ACOXL: variants seen among roughly 807,000 people sequenced by gnomAD.
ACOXL encodes acyl-coenzyme A oxidase-like protein.
A neutral mutation model predicts 71.9 loss-of-function variants in ACOXL; 70 were observed. That is an observed-to-expected ratio of 0.97 (90% CI 0.80 to 1.19). ACOXL has a LOEUF of 1.19. ACOXL is among the 50% of genes most tolerant of loss of function. The probability of loss-of-function intolerance (pLI) is 0.00; values close to 1 mark genes in which losing one functional copy is unlikely to be tolerated. For missense variants in ACOXL, 703 were observed against 736.3 expected, an observed-to-expected ratio of 0.95 and a Z score of 0.52; for synonymous variants, 253 against 281.6, an observed-to-expected ratio of 0.90 and a Z score of 1.02.
chr2:110,766,516 G>A (rs1442894779), intron 1 of ACOXL, among the ~76,000 whole-genome samples: 1 of 152,154 alleles, frequency 6.6e-6, no homozygotes, highest in Non-Finnish European at 1.5e-5. Flanking sequence ...TCAGGAAGGG[G>A]GAAGTTGAAA....
At chr2:110,922,084 AT>A (rs1210975922) in intron 11 of ACOXL, among the ~76,000 whole-genome samples, 1 of 152,200 alleles carries the variant, frequency 6.6e-6, no homozygotes, top group Non-Finnish European at 1.5e-5. Context: ...ATATATCATT[AT>A]TGGTTTTCTG....
intron 17 of ACOXL, chr2:111,115,396 A>G (rs1182760075): frequency 3.3e-5 from 5 of 152,250 alleles, no homozygotes; most frequent in African/African-American, 4.8e-5. Context: ...AAGAGATCAT[A>G]TATTTTTAAA....
At position 110,915,877 on chromosome 2, in the gene ACOXL, TA is replaced by T. The variant is rs1006177029; in HGVS notation, c.905+6980del. On this transcript the variant is annotated intron_variant, in intron 11 of 17. Coordinates refer to ENST00000439055, the MANE Select transcript of ACOXL (RefSeq NM_001142807.4). ...TGATATCAGTGTTATATTGTCCTCA[TA>T]AAAAAAATAGGAAAGTGATCTCTTC... Among the ~76,000 whole-genome samples the T allele has an allele frequency of 8.6e-5, 13 of 151,862 alleles. No homozygotes were observed. The East Asian group carries it at 9.7e-4, about 11-fold the overall frequency.
At chr2:110,874,992 G>A (rs771981350) in intron 10 of ACOXL, among the ~76,000 whole-genome samples, 22 of 152,116 alleles carry the variant, frequency 1.4e-4, no homozygotes, top group Admixed American at 3.9e-4. Context: ...CCTGCCACCG[G>A]CAGGATTTTA....
At chr2:110,881,968 G>A (rs72944214) in intron 10 of ACOXL, among the ~76,000 whole-genome samples, 1 of 152,084 alleles carries the variant, frequency 6.6e-6, no homozygotes, top group African/African-American at 2.4e-5. Flanking sequence ...AGGGACATAT[G>A]CTATCTTTTC....
intron 10 of ACOXL, among the ~76,000 whole-genome samples, chr2:110,852,089 C>T (rs957221045): frequency 1.4e-4 from 22 of 152,300 alleles, no homozygotes; most frequent in African/African-American, 3.1e-4. Context: ...CCCCTATGGA[C>T]GACTGTCCAG....
In ACOXL at chr2:111,108,371, C is replaced by CTT. The variant is rs1225889982; in HGVS notation, c.1543-9223_1543-9222dup. Among the ~76,000 whole-genome samples the CTT allele has an allele frequency of 1.5e-3, 105 of 71,026 alleles. 5 individuals are homozygous for CTT. The highest frequency in any genetic ancestry group is 1.9e-3 in the East Asian group (4 of 2,074). 46.6% of individuals were successfully genotyped at this position (71,026 alleles called of 152,430 possible). ...TTTATATACATTGAAGTGCATGAAT[C>CTT]TTTTTTTTTTTTTTTTTTTTTTTGG... On this transcript the variant is annotated intron_variant, in intron 17 of 17. Transcript: ENST00000439055.
chr2:111,064,287 T>C (rs959270971), intron 16 of ACOXL, among the ~76,000 whole-genome samples: 2 of 151,946 alleles, frequency 1.3e-5, no homozygotes, highest in African/African-American at 4.8e-5. Flanking sequence ...ATACAAAAAA[T>C]TAGCCGGGCG....
chr2:111,098,822 A>T (rs1011753234), intron 17 of ACOXL: 1 of 152,190 alleles, frequency 6.6e-6, no homozygotes, highest in Non-Finnish European at 1.5e-5. Flanking sequence ...ACTGTTTCTA[A>T]ATAAATAAAA....
chr2:111,004,759 G>T (rs1202518451), intron 14 of ACOXL, among the ~76,000 whole-genome samples: 1 of 152,188 alleles, frequency 6.6e-6, no homozygotes, highest in African/African-American at 2.4e-5. Flanking sequence ...GCTTGGAAAT[G>T]CCATTGATAA....
chr2:110,896,737 AAACT>A (rs2059024082), intron 10 of ACOXL, among the ~76,000 whole-genome samples: 2 of 152,188 alleles, frequency 1.3e-5, no homozygotes, highest in Admixed American at 1.3e-4. Flanking sequence ...CGTGAAGTGA[AAACT>A]AACAGAACTG....
intron 10 of ACOXL, among the ~76,000 whole-genome samples, chr2:110,877,485 G>A (rs1039417932): frequency 3.3e-5 from 5 of 152,048 alleles, no homozygotes; most frequent in Admixed American, 6.6e-5. Flanking sequence ...GTGGGATCTC[G>A]CAAATAGGGT....
chr2:111,060,692 G>C (rs1394784996), intron 16 of ACOXL, among the ~76,000 whole-genome samples: 1 of 152,184 alleles, frequency 6.6e-6, no homozygotes, highest in Non-Finnish European at 1.5e-5. Flanking sequence ...AGATGACAGT[G>C]ATGCTAAAAT....
At chr2:110,893,652 T>A (rs1171279179) in intron 10 of ACOXL, among the ~76,000 whole-genome samples, 3 of 152,194 alleles carry the variant, frequency 2.0e-5, no homozygotes, top group Non-Finnish European at 4.4e-5. Flanking sequence ...TCAAGTATAG[T>A]TAATGACAAG....
At chr2:111,107,684 C>T (rs2069641495) in intron 17 of ACOXL, among the ~76,000 whole-genome samples, 1 of 152,224 alleles carries the variant, frequency 6.6e-6, no homozygotes, top group Non-Finnish European at 1.5e-5. Flanking sequence ...GACAGGGTTT[C>T]TCCATGTTGG....
At chr2:110,913,647 C>G (rs1399375757) in intron 11 of ACOXL, among the ~76,000 whole-genome samples, 1 of 152,040 alleles carries the variant, frequency 6.6e-6, no homozygotes, top group Non-Finnish European at 1.5e-5. Flanking sequence ...TGAAGAAATA[C>G]CTGAGGCTGG....
intron 15 of ACOXL, chr2:111,036,830 GGC>G (rs1174081431): frequency 1.3e-5 from 2 of 152,190 alleles, no homozygotes; most frequent in African/African-American, 4.8e-5. Flanking sequence ...CGAAGCTTGT[GGC>G]CAATTGGAAG....
intron 14 of ACOXL, among the ~76,000 whole-genome samples, chr2:111,011,104 T>C (rs1271237180): frequency 3.3e-5 from 5 of 152,202 alleles, no homozygotes; most frequent in Non-Finnish European, 7.4e-5. Flanking sequence ...TACAATTATT[T>C]AGGGTTTATG....
At chr2:110,755,640 A>G (rs1002128994) in intron 1 of ACOXL, among the ~76,000 whole-genome samples, 8 of 152,210 alleles carry the variant, frequency 5.3e-5, no homozygotes, top group Non-Finnish European at 1.5e-5. Flanking sequence ...TCCAGAATAC[A>G]TTTTTATCCA....
Sources: allele counts gnomAD v4.1 joint callset (sites outside exome capture counted in the v4.1 genomes callset), GRCh38; gene constraint gnomAD v4.1.1; transcripts MANE v1.5; gene names NCBI Gene and HGNC (gene_info 2026-07-23, HGNC 2026-07-21).